SPTSSB: variants seen among roughly 807,000 people sequenced by gnomAD.
SPTSSB encodes androgen down regulated in mouse prostate.
SPTSSB carries 6 observed loss-of-function variants against 7.7 expected under a neutral mutation model. The ratio of observed to expected loss-of-function variants is 0.78; its 90% CI spans 0.43 to 1.54. The LOEUF (loss-of-function observed/expected upper bound fraction) is 1.54. SPTSSB is among the 40% of genes most tolerant of loss of function. SPTSSB has a pLI of 0.01. For missense variants in SPTSSB, 91 were observed against 93.0 expected (o/e 0.98, Z 0.09); for synonymous variants, 28 against 29.7 (o/e 0.94, Z 0.19).
At chr3:161,357,694 C>T (rs1455676711) in intron 2 of SPTSSB, among the ~76,000 whole-genome samples, 1 of 152,008 alleles carries the variant, frequency 6.6e-6, no homozygotes, top group Non-Finnish European at 1.5e-5. Context: ...TCAGATTAGC[C>T]TTAAATCTAA....
At chr3:161,364,297 T>C (rs897713015) in intron 1 of SPTSSB, among the ~76,000 whole-genome samples, 2 of 152,140 alleles carry the variant, frequency 1.3e-5, no homozygotes, top group South Asian at 4.1e-4. Context: ...CTTTCCTTCA[T>C]GTGTGATGGC....
intron 1 of SPTSSB, among the ~76,000 whole-genome samples, chr3:161,367,533 G>A (rs140308380): frequency 2.1e-3 from 320 of 152,326 alleles, no homozygotes; most frequent in African/African-American, 7.1e-3. Flanking sequence ...ATTTCTGGAC[G>A]AAGCATTATC....
chr3:161,363,016 ATTAAT>A (rs995224574), intron 1 of SPTSSB, among the ~76,000 whole-genome samples: 12 of 151,914 alleles, frequency 7.9e-5, no homozygotes, highest in Non-Finnish European at 1.3e-4. Flanking sequence ...AAGTAACCAA[ATTAAT>A]TTATCATTTT....
chr3:161,357,148 A>G (rs2108161664), intron 2 of SPTSSB, among the ~76,000 whole-genome samples: 1 of 152,314 alleles, frequency 6.6e-6, no homozygotes, highest in South Asian at 2.1e-4. Flanking sequence ...TCCAGGTTAG[A>G]TGGTTTCAGA....
Position 161,369,286 on chromosome 3 carries a change from TTTTC to T in SPTSSB, c.-126+2145_-126+2148del, listed in dbSNP as rs149388545. Among the ~76,000 whole-genome samples the T allele has an allele frequency of 7.3e-3, 810 of 110,310 alleles. 17 individuals are homozygous for T. The highest frequency in any genetic ancestry group is 0.022 in the African/African-American group (513 of 22,938). 72.4% of individuals were successfully genotyped at this position (110,310 alleles called of 152,430 possible). ...TCTCTTTCTTTTTCTTCTTTCTTTC[TTTTC>T]TTTCTTTCTTTCTTTCTTTCTTTCT... is the stretch of plus-strand genomic sequence containing the variant. On this transcript the variant is annotated intron_variant, in intron 1 of 2. Coordinates refer to ENST00000620149, the MANE Select transcript of SPTSSB (RefSeq NM_001040100.2).
At chr3:161,360,211 G>T (rs550328533) in intron 1 of SPTSSB, among the ~76,000 whole-genome samples, 97 of 152,300 alleles carry the variant, frequency 6.4e-4, no homozygotes, top group Non-Finnish European at 1.2e-3. Flanking sequence ...ACTTCTTTTG[G>T]AGCAGACTGC....
intron 2 of SPTSSB, among the ~76,000 whole-genome samples, chr3:161,350,621 T>G (rs1560103158): frequency 6.6e-6 from 1 of 152,144 alleles, no homozygotes; most frequent in East Asian, 1.9e-4. Flanking sequence ...AAAAAGAGAC[T>G]CTTTCTGTAC....
At chr3:161,363,962 T>C (rs1168501633) in intron 1 of SPTSSB, among the ~76,000 whole-genome samples, 1 of 108,060 alleles carries the variant, frequency 9.3e-6, no homozygotes, top group Middle Eastern at 4.3e-3. Flanking sequence ...AGATGGTACA[T>C]GAAAAAAAAA....
chr3:161,357,039 A>G (rs1714800631), intron 2 of SPTSSB, among the ~76,000 whole-genome samples: 1 of 152,154 alleles, frequency 6.6e-6, no homozygotes. Context: ...AACTAGGCGG[A>G]TCAGGCCATA....
intron 2 of SPTSSB, among the ~76,000 whole-genome samples, chr3:161,351,032 C>A (rs559560584): frequency 6.6e-6 from 1 of 152,042 alleles, no homozygotes; most frequent in Admixed American, 6.6e-5. Context: ...CCAAAACCCC[C>A]AAGGTCATCA....
At chr3:161,365,127 A>C (rs1213403204) in intron 1 of SPTSSB, among the ~76,000 whole-genome samples, 1 of 152,212 alleles carries the variant, frequency 6.6e-6, no homozygotes, top group Non-Finnish European at 1.5e-5. Context: ...TTATTGAGCA[A>C]CTTATGTTTC....
chr3:161,349,061 A>G (rs1037847234), intron 2 of SPTSSB, among the ~76,000 whole-genome samples: 2 of 152,178 alleles, frequency 1.3e-5, no homozygotes, highest in African/African-American at 4.8e-5. Context: ...TTGATGAGTA[A>G]TGTGGTTAGG....
chr3:161,347,502 T>A lies in SPTSSB; in HGVS notation c.-32-1147A>T, dbSNP rs1240903886. 2.0e-5 allele frequency among the ~76,000 whole-genome samples: 3 copies of A among 151,842 alleles called. No individual in the cohort carries two copies. The East Asian group carries it at 5.9e-4, about 30-fold the overall frequency. On this transcript the variant is annotated intron_variant, in intron 2 of 2. Coordinates refer to ENST00000620149, the MANE Select transcript of SPTSSB (RefSeq NM_001040100.2). ...GTCTTGAACTCCTGACCACAGGTGA[T>A]CTGCCCGCCTCAGCCTCTCAAAGTG... is the stretch of plus-strand genomic sequence containing the variant.
At chr3:161,361,125 G>A (rs1038187506) in intron 1 of SPTSSB, among the ~76,000 whole-genome samples, 2 of 152,102 alleles carry the variant, frequency 1.3e-5, no homozygotes, top group Non-Finnish European at 2.9e-5. Context: ...TTTGGGGGGA[G>A]GAATGTGTCA....
In SPTSSB at chr3:161,345,154, G is replaced by C. The variant is rs149798448; in HGVS notation, c.*939C>G. The C allele has an allele frequency of 2.0e-5, 3 of 152,644 alleles. No homozygotes were observed. Among genetic ancestry groups the C allele is most frequent in the African/African-American group, 7.2e-5 (3 of 41,546 alleles). The allele number at this position is 152,644 out of a possible 1,614,324, so 9.5% of individuals were successfully genotyped here. A position where few individuals can be genotyped will look rare whatever the true frequency, so the allele number is the denominator to read the frequency against. ...GTTTGAAGGAAATTTAATAAATCTTGTTTTGGCTCTGCAAAGGAGCCACTA... is the reference window on the plus strand; with the variant it reads ...GTTTGAAGGAAATTTAATAAATCTTCTTTTGGCTCTGCAAAGGAGCCACTA... On this transcript the variant is annotated 3_prime_UTR_variant, in exon 3 of 3. Coordinates refer to ENST00000620149, the MANE Select transcript of SPTSSB (RefSeq NM_001040100.2).
intron 2 of SPTSSB, among the ~76,000 whole-genome samples, chr3:161,353,947 A>G (rs1361016879): frequency 6.6e-6 from 1 of 152,176 alleles, no homozygotes; most frequent in Non-Finnish European, 1.5e-5. Context: ...CAGAGTGAAT[A>G]CCAGAAGTCA....
intron 1 of SPTSSB, among the ~76,000 whole-genome samples, chr3:161,363,904 A>G (rs1319982014): frequency 1.3e-5 from 2 of 152,116 alleles, no homozygotes; most frequent in African/African-American, 4.8e-5. Context: ...GCACTTTACA[A>G]AAACTTCTAC....
intron 1 of SPTSSB, among the ~76,000 whole-genome samples, chr3:161,366,951 G>T (rs1485320013): frequency 6.6e-6 from 1 of 152,150 alleles, no homozygotes; most frequent in Non-Finnish European, 1.5e-5. Flanking sequence ...AAGGTGGGTG[G>T]ATTACCTGAT....
chr3:161,349,264 G>A (rs1304095472), intron 2 of SPTSSB, among the ~76,000 whole-genome samples: 1 of 152,168 alleles, frequency 6.6e-6, no homozygotes, highest in East Asian at 1.9e-4. Context: ...TAAGTGGGAG[G>A]AAAGGACATG....
Sources: allele counts gnomAD v4.1 joint callset (sites outside exome capture counted in the v4.1 genomes callset), GRCh38; gene constraint gnomAD v4.1.1; transcripts MANE v1.5; gene names NCBI Gene and HGNC (gene_info 2026-07-23, HGNC 2026-07-21).